PCDHGA1: variants seen among roughly 807,000 people sequenced by gnomAD.
PCDHGA1 encodes the protein protocadherin gamma-A1.
Under a neutral mutation model 58.0 loss-of-function variants are expected in PCDHGA1, and 32 were observed. The ratio of observed to expected loss-of-function variants is 0.55; its 90% CI spans 0.42 to 0.74. The LOEUF (loss-of-function observed/expected upper bound fraction) is 0.74. Ranked by LOEUF, PCDHGA1 falls within the 30% of genes least tolerant of loss-of-function variation. The probability of loss-of-function intolerance (pLI) is 0.00; values close to 1 mark genes in which losing one functional copy is unlikely to be tolerated. For synonymous variants in PCDHGA1, 498 were observed against 501.1 expected (o/e 0.99, Z 0.08); for missense variants, 1,205 against 1,182.3 (o/e 1.02, Z -0.28).
intron 1 of PCDHGA1, chr5:141,356,661 CACTT>C: frequency 6.2e-7 from 1 of 1,614,052 alleles, no homozygotes; most frequent in African/African-American, 1.3e-5. Context: ...ATGCCCGAAT[CACTT>C]ACTCCCTGGC....
In PCDHGA1 at chr5:141,332,890, C is replaced by T; in HGVS notation, c.2206C>T (p.Pro736Ser). 1 of 1,614,248 alleles carries T rather than the reference C, an allele frequency of 6.2e-7. No individual in the cohort carries two copies. Residue 736 changes from proline (P) to serine (S), a missense_variant, in exon 1 of 4, where the codon CCC (proline) becomes TCC (serine). Physicochemically the swap from Pro to Ser is moderately conservative, Grantham distance 74 (BLOSUM62 -1). Coordinates refer to ENST00000517417, the MANE Select transcript of PCDHGA1 (RefSeq NM_018912.3). This position sits in a 1 kb window ranked among gnomAD's most constrained non-coding sequence, Gnocchi z 4.6. ...TTCGGGAGGCGGCTTAGCGAGCATG[C>T]CCGGTTCGCACTTTGTGGGCGTGGA... ...QASGGGLASM[P>S]GSHFVGVDGV... is the part of the protein sequence containing the mutation.
chr5:141,384,252 C>T lies in PCDHGA1; in HGVS notation c.2421+51147C>T, dbSNP rs377503121. ...CAGACACCAACGATAACCCACCCAC[C>T]TTCCCCCACTCATCCTACTCAGTCT... is the stretch of plus-strand genomic sequence containing the variant. On this transcript the variant is annotated intron_variant, in intron 1 of 3. Coordinates refer to ENST00000517417, the MANE Select transcript of PCDHGA1 (RefSeq NM_018912.3). 204 of 1,613,902 alleles carry T rather than the reference C, an allele frequency of 1.3e-4. 1 individual carries two copies. The highest frequency in any genetic ancestry group is 1.5e-4 in the Non-Finnish European group (179 of 1,179,886).
At position 141,362,252 on chromosome 5, in the gene PCDHGA1, C is replaced by A. The variant is rs1030341825; in HGVS notation, c.2421+29147C>A. ...TTGATCTCAGTGCTCTTCTTCCTCGCGGTGATTCTGGCAATCTCCCTGCGC... is the reference window on the plus strand; with the variant it reads ...TTGATCTCAGTGCTCTTCTTCCTCGAGGTGATTCTGGCAATCTCCCTGCGC... On this transcript the variant is annotated intron_variant, in intron 1 of 3. Coordinates refer to ENST00000517417, the MANE Select transcript of PCDHGA1 (RefSeq NM_018912.3). 1.9e-6 allele frequency: 3 copies of A among 1,613,904 alleles called. No homozygotes were observed. In the Admixed American group the frequency reaches 5.0e-5, roughly 27 times the overall value.
chr5:141,491,454 C>G lies in PCDHGA1; in HGVS notation c.2422-3353C>G. ...GCTGCAGGCGCCAGGACTCACCCTCCCCGGACTTCTATAAGCAGTCCAGCC... is the reference window on the plus strand; with the variant it reads ...GCTGCAGGCGCCAGGACTCACCCTCGCCGGACTTCTATAAGCAGTCCAGCC... On this transcript the variant is annotated intron_variant, in intron 1 of 3. Coordinates refer to ENST00000517417, the MANE Select transcript of PCDHGA1 (RefSeq NM_018912.3). This position sits in a 1 kb window ranked among gnomAD's most constrained non-coding sequence, Gnocchi z 6.9. The G allele has an allele frequency of 6.2e-7, 1 of 1,614,120 alleles. No individual in the cohort carries two copies. Among genetic ancestry groups the G allele is most frequent in the Non-Finnish European group, 8.5e-7 (1 of 1,180,032 alleles).
At chr5:141,371,823 T>A in intron 1 of PCDHGA1, 2 of 1,613,832 alleles carry the variant, frequency 1.2e-6, no homozygotes, top group South Asian at 2.2e-5. Flanking sequence ...TGTCAGAGCC[T>A]CGGATCCCGA....
chr5:141,345,131 T>A, intron 1 of PCDHGA1: 2 of 1,613,990 alleles, frequency 1.2e-6, no homozygotes, highest in Admixed American at 1.7e-5. Flanking sequence ...GAAGAGAAAT[T>A]GCTCTTATCG....
At chr5:141,465,241 G>C (rs2099099198) in intron 1 of PCDHGA1, among the ~76,000 whole-genome samples, 1 of 151,964 alleles carries the variant, frequency 6.6e-6, no homozygotes, top group South Asian at 2.1e-4. Flanking sequence ...CAAGTTCAAG[G>C]CACTTTTGTA....
At position 141,359,043 on chromosome 5, in the gene PCDHGA1, T is replaced by C. The variant is rs1437297032; in HGVS notation, c.2421+25938T>C. Among the ~76,000 whole-genome samples, 8 of 152,376 alleles carry C rather than the reference T, an allele frequency of 5.3e-5. No individual in the cohort carries two copies. In the East Asian group the frequency reaches 9.6e-4, roughly 18 times the overall value. On this transcript the variant is annotated intron_variant, in intron 1 of 3. Transcript: ENST00000517417. The stretch of plus-strand genomic sequence containing the variant: ...ATAACTGGAAGTTGTAGTGATAGAC[T>C]GTGGAATATGCCTCAATTTGACTTA...
intron 1 of PCDHGA1, among the ~76,000 whole-genome samples, chr5:141,357,988 G>A (rs182499898): frequency 1.8e-4 from 27 of 152,224 alleles, no homozygotes; most frequent in African/African-American, 5.5e-4. Context: ...TCAGGAGTTC[G>A]AGACCAGTCT....
intron 1 of PCDHGA1, among the ~76,000 whole-genome samples, chr5:141,461,824 T>C (rs958063237): frequency 1.3e-5 from 2 of 151,968 alleles, no homozygotes; most frequent in African/African-American, 4.8e-5. Flanking sequence ...CAGCTAATTT[T>C]TTTTTCTTTT....
Position 141,370,001 on chromosome 5 carries a change from T to G in PCDHGA1, c.2421+36896T>G, listed in dbSNP as rs371025652. Among the ~76,000 whole-genome samples the G allele has an allele frequency of 8.5e-5, 13 of 152,322 alleles. No homozygotes were observed. The South Asian group carries it at 2.5e-3, about 29-fold the overall frequency. On this transcript the variant is annotated intron_variant, in intron 1 of 3. Transcript: ENST00000517417. ...TGATTTGGATGGATAAAGCTCAAATTAAAAGAAATAACAGACTAAAGATAT... is the reference window on the plus strand; with the variant it reads ...TGATTTGGATGGATAAAGCTCAAATGAAAAGAAATAACAGACTAAAGATAT...
At chr5:141,399,675 T>C (rs753709757) in intron 1 of PCDHGA1, 3 of 1,613,618 alleles carry the variant, frequency 1.9e-6, no homozygotes, top group South Asian at 2.2e-5. Context: ...AGCGCGCCTT[T>C]GACTACGAGC....
intron 1 of PCDHGA1, chr5:141,350,707 C>A (rs1181723037): frequency 1.2e-6 from 2 of 1,613,992 alleles, no homozygotes; most frequent in East Asian, 2.2e-5. Context: ...GGGTAAAATT[C>A]TCTCTGGATT....
chr5:141,477,777 A>G lies in PCDHGA1; in HGVS notation c.2422-17030A>G, dbSNP rs775845004. ...GTCCTAGCCACCAACATCAGCGTGA[A>G]CATATTTGTCACTGATCGCAATGAC... is the stretch of plus-strand genomic sequence containing the variant. On this transcript the variant is annotated intron_variant, in intron 1 of 3. Transcript: ENST00000517417. The surrounding 1 kb of genome is among the most constrained non-coding windows in gnomAD (Gnocchi z 4.9). The G allele has an allele frequency of 1.9e-4, 299 of 1,613,944 alleles. No homozygotes were observed. Among genetic ancestry groups the G allele is most frequent in the Non-Finnish European group, 2.5e-4 (295 of 1,180,048 alleles).
chr5:141,414,725 T>C (rs1303775655), intron 1 of PCDHGA1: 8 of 1,613,970 alleles, frequency 5.0e-6, no homozygotes, highest in African/African-American at 1.3e-5. Flanking sequence ...GACACTGGCG[T>C]CCTGTATGCA....
At chr5:141,420,420 CAA>C (rs1462714732) in intron 1 of PCDHGA1, 2 of 1,201,950 alleles carry the variant, frequency 1.7e-6, no homozygotes, top group African/African-American at 3.2e-5. Context: ...ATTATTAAAA[CAA>C]AAGTTTAAAT....
chr5:141,335,028 ACT>A (rs1756546347), intron 1 of PCDHGA1, among the ~76,000 whole-genome samples: 1 of 152,096 alleles, frequency 6.6e-6, no homozygotes. Flanking sequence ...CTGTCAACAC[ACT>A]GTTATTTTTT....
Position 141,483,626 on chromosome 5 carries a change from G to A in PCDHGA1, c.2422-11181G>A, listed in dbSNP as rs112905417. On this transcript the variant is annotated intron_variant, in intron 1 of 3. Coordinates refer to ENST00000517417, the MANE Select transcript of PCDHGA1 (RefSeq NM_018912.3). ...TTACACCTCCATCATTCCCATGGGA[G>A]AAGGTATAGAGGGGTGTGTGTTTGT... Among the ~76,000 whole-genome samples the A allele has an allele frequency of 6.0e-4, 90 of 150,886 alleles. 1 individual carries two copies. The highest frequency in any genetic ancestry group is 1.7e-3 in the African/African-American group (69 of 40,378).
At chr5:141,417,997 G>T in intron 1 of PCDHGA1, 1 of 1,613,872 alleles carries the variant, frequency 6.2e-7, no homozygotes, top group Non-Finnish European at 8.5e-7. Context: ...AGGGCTCGGT[G>T]GTGGGGAACC....
Sources: allele counts gnomAD v4.1 joint callset (sites outside exome capture counted in the v4.1 genomes callset), GRCh38; gene constraint gnomAD v4.1.1; non-coding constraint Gnocchi (gnomAD v3.1); transcripts MANE v1.5; gene names NCBI Gene and HGNC (gene_info 2026-07-23, HGNC 2026-07-21).